The following ZNF98 variants were observed in gnomAD, a reference collection of about 807,000 sequenced individuals.
The protein encoded by ZNF98 is zinc finger protein 739.
Under a neutral mutation model 12.8 loss-of-function variants are expected in ZNF98, and 8 were observed. That is an observed-to-expected ratio of 0.63 (90% CI 0.37 to 1.13). The LOEUF is 1.13. Ranked by LOEUF, ZNF98 falls within the 50% of genes most tolerant of loss-of-function variation. ZNF98 has a pLI of 0.01. For missense variants in ZNF98, 379 were observed against 666.1 expected (o/e 0.57, Z 4.74); for synonymous variants, 112 against 223.5 (o/e 0.50, Z 4.45).
At chr19:22,412,887 C>A (rs889084918) in intron 1 of ZNF98, among the ~76,000 whole-genome samples, 1 of 151,548 alleles carries the variant, frequency 6.6e-6, no homozygotes, top group Non-Finnish European at 1.5e-5. Context: ...CTCGTCTCTA[C>A]TAAAAATACA....
chr19:22,391,503 A>G lies in ZNF98; in HGVS notation c.*13T>C. 3 of 1,535,796 alleles carry G rather than the reference A, an allele frequency of 2.0e-6. No individual in the cohort carries two copies. Among genetic ancestry groups the G allele is most frequent in the Non-Finnish European group, 2.6e-6 (3 of 1,140,630 alleles). ...GATAACCATTTAAAGGCTTTGTCACATTCATATTTCTATTATTTCTCACCA... is the reference window on the plus strand; with the variant it reads ...GATAACCATTTAAAGGCTTTGTCACGTTCATATTTCTATTATTTCTCACCA... On this transcript the variant is annotated 3_prime_UTR_variant, in exon 4 of 4. Transcript: ENST00000357774.
intron 3 of ZNF98, among the ~76,000 whole-genome samples, chr19:22,402,005 G>A (rs1458490811): frequency 1.4e-4 from 21 of 149,658 alleles, no homozygotes; most frequent in Non-Finnish European, 2.5e-4. Flanking sequence ...GTGACACCCC[G>A]TCTCTACTAA....
chr19:22,422,143 G>T, intron 1 of ZNF98, 52 bp downstream of exon 1: 1 of 1,610,320 alleles, frequency 6.2e-7, no homozygotes, highest in Non-Finnish European at 8.5e-7. Flanking sequence ...CTTCCCACCG[G>T]TTCCAACCAG....
At chr19:22,406,484 A>T (rs1969520309) in intron 1 of ZNF98, among the ~76,000 whole-genome samples, 1 of 152,278 alleles carries the variant, frequency 6.6e-6, no homozygotes, top group African/African-American at 2.4e-5. Flanking sequence ...CTCAAAGATC[A>T]AAACTAGACA....
intron 3 of ZNF98, among the ~76,000 whole-genome samples, chr19:22,400,961 AAAC>A (rs1969449355): frequency 6.6e-6 from 1 of 150,788 alleles, no homozygotes; most frequent in Non-Finnish European, 1.5e-5. Context: ...TCAAAAAACA[AAAC>A]AAAACAAAAC....
At chr19:22,414,009 G>A (rs1258335891) in intron 1 of ZNF98, among the ~76,000 whole-genome samples, 5 of 151,662 alleles carry the variant, frequency 3.3e-5, no homozygotes, top group African/African-American at 9.7e-5. Context: ...AGGCTGAAGC[G>A]GCTGGATCAC....
chr19:22,393,149 T>C (rs1320931217), intron 3 of ZNF98, among the ~76,000 whole-genome samples, 168 bp from the exon 4 acceptor site: 8 of 152,096 alleles, frequency 5.3e-5, no homozygotes, highest in Non-Finnish European at 8.8e-5. Context: ...ACAAATTACA[T>C]TTCTGAAAAA....
chr19:22,401,935 G>C (rs977034543), intron 3 of ZNF98, among the ~76,000 whole-genome samples: 17 of 150,824 alleles, frequency 1.1e-4, no homozygotes, highest in Non-Finnish European at 1.6e-4. Flanking sequence ...CTAGCACTTT[G>C]GGAGGCCAAG....
rs545590129 is a variant in ZNF98 at position 22,403,523 on chromosome 19, T to C, written c.31-11A>G. 5 of 1,588,110 alleles carry C rather than the reference T, an allele frequency of 3.1e-6. No homozygotes were observed. The highest frequency in any genetic ancestry group is 2.2e-5 in the East Asian group (1 of 44,686). On this transcript the variant is annotated splice_polypyrimidine_tract_variant and intron_variant, in intron 1 of 3. Coordinates refer to ENST00000357774, the MANE Select transcript of ZNF98 (RefSeq NM_001098626.2). Reference sequence around the variant, plus strand: ...AAATGTCAACACTCCCTGAAAAACATACAAACACACATACATATTTACCAA... The same window carrying C: ...AAATGTCAACACTCCCTGAAAAACACACAAACACACATACATATTTACCAA...
At chr19:22,417,296 A>G (rs1205070565) in intron 1 of ZNF98, among the ~76,000 whole-genome samples, 1 of 151,278 alleles carries the variant, frequency 6.6e-6, no homozygotes, top group Non-Finnish European at 1.5e-5. Flanking sequence ...ATAAAAACAA[A>G]GAGGGAACAA....
At chr19:22,401,673 C>G (rs1214087384) in intron 3 of ZNF98, among the ~76,000 whole-genome samples, 2 of 151,096 alleles carry the variant, frequency 1.3e-5, no homozygotes, top group Non-Finnish European at 3.0e-5. Context: ...TTAGTAGAGA[C>G]AGGGTTTCAT....
rs773123646 is a variant in ZNF98, at chr19:22,392,704, A to T, written c.531T>A (p.Thr177=). The change falls in exon 4 of 4, where the codon ACT becomes ACA. Residue 177 remains threonine, a synonymous_variant. Coordinates refer to ENST00000357774, the MANE Select transcript of ZNF98 (RefSeq NM_001098626.2). ...CTTTACACTTGAAAGATTTCTTTCCAGTATGTCCTATCTTATGTCTGTTTG... is the reference window on the plus strand; with the variant it reads ...CTTTACACTTGAAAGATTTCTTTCCTGTATGTCCTATCTTATGTCTGTTTG... The part of the protein sequence containing the change: ...SNSNRHKIGH[T]GKKSFKCKEC... 6 of 1,602,822 alleles carry T rather than the reference A, an allele frequency of 3.7e-6. No homozygotes were observed. The South Asian group carries it at 6.6e-5, about 18-fold the overall frequency.
At chr19:22,409,516 G>C (rs1243325316) in intron 1 of ZNF98, among the ~76,000 whole-genome samples, 3 of 152,072 alleles carry the variant, frequency 2.0e-5, no homozygotes, top group Non-Finnish European at 4.4e-5. Context: ...CTACAGAATA[G>C]GAGAAAATTT....
intron 1 of ZNF98, among the ~76,000 whole-genome samples, chr19:22,404,541 C>CA (rs1465628330): frequency 6.6e-6 from 1 of 151,946 alleles, no homozygotes; most frequent in African/African-American, 2.4e-5. Context: ...AAAAATCTGT[C>CA]AGAGTTCATT....
At chr19:22,405,471 C>T (rs1969509112) in intron 1 of ZNF98, among the ~76,000 whole-genome samples, 1 of 152,104 alleles carries the variant, frequency 6.6e-6, no homozygotes, top group South Asian at 2.1e-4. Context: ...GGTGCAGCAA[C>T]CCACCTGAGA....
chr19:22,397,317 G>A (rs1293792082), intron 3 of ZNF98, among the ~76,000 whole-genome samples: 1 of 151,638 alleles, frequency 6.6e-6, no homozygotes, highest in Non-Finnish European at 1.5e-5. Flanking sequence ...AATTATAGTA[G>A]GATATTTTGA....
rs1290632529 is a variant in ZNF98, at chr19:22,391,190, T to C, written c.*326A>G. ...CACAACTTCGTTTATATTTGTAATG[T>C]TTGTCTTCAAAATAAATCCTCTTCA... On this transcript the variant is annotated 3_prime_UTR_variant, in exon 4 of 4. Transcript: ENST00000357774. The C allele has an allele frequency of 2.2e-5, 6 of 276,668 alleles. No individual in the cohort carries two copies. Among genetic ancestry groups the C allele is most frequent in the East Asian group, 1.7e-4 (2 of 11,868 alleles). The allele number at this position is 276,668 out of a possible 1,614,324, so 17.1% of individuals were successfully genotyped here. A position where few individuals can be genotyped will look rare whatever the true frequency, so the allele number is the denominator to read the frequency against.
intron 3 of ZNF98, among the ~76,000 whole-genome samples, chr19:22,398,291 T>C (rs1426458827): frequency 3.3e-5 from 5 of 151,896 alleles, no homozygotes; most frequent in Admixed American, 6.6e-5. Flanking sequence ...ATGGGAAAAA[T>C]TGGTAGTTGT....
chr19:22,420,946 A>T (rs528112158), intron 1 of ZNF98, among the ~76,000 whole-genome samples: 1 of 152,306 alleles, frequency 6.6e-6, no homozygotes, highest in South Asian at 2.1e-4. Context: ...CAGAAAACAT[A>T]TCTTTTTCTT....
Sources: allele counts gnomAD v4.1 joint callset (sites outside exome capture counted in the v4.1 genomes callset), GRCh38; gene constraint gnomAD v4.1.1; transcripts MANE v1.5; gene names NCBI Gene and HGNC (gene_info 2026-07-23, HGNC 2026-07-21).